TDRD12: variants seen among roughly 807,000 people sequenced by gnomAD.
TDRD12 encodes tudor domain containing 12.
In TDRD12, 158 loss-of-function variants were observed where a neutral mutation model predicts 133.5. That is an observed-to-expected ratio of 1.18 (90% CI 1.04 to 1.35). TDRD12 has a LOEUF of 1.35. Among genes scored for constraint, TDRD12 ranks in the 40% most tolerant of loss-of-function variants. TDRD12 has a pLI of 0.00. For missense variants in TDRD12, 1,443 were observed against 1,321.3 expected, an observed-to-expected ratio of 1.09 and a Z score of -1.43; for synonymous variants, 460 against 477.9, an observed-to-expected ratio of 0.96 and a Z score of 0.49.
intron 2 of TDRD12, among the ~76,000 whole-genome samples, chr19:32,733,872 T>A (rs1036115916): frequency 3.3e-5 from 5 of 151,594 alleles, no homozygotes; most frequent in Non-Finnish European, 5.9e-5. Flanking sequence ...TAAATTTTTT[T>A]AATTTATTTT....
chr19:32,731,489 A>G (rs1184630404), intron 1 of TDRD12, among the ~76,000 whole-genome samples: 1 of 152,124 alleles, frequency 6.6e-6, no homozygotes, highest in African/African-American at 2.4e-5. Flanking sequence ...TTTTCAGAAT[A>G]TGGGAGATTG....
At chr19:32,800,389 G>GTA (rs1568485887) in intron 17 of TDRD12, 31 bp downstream of exon 17, 2 of 1,387,208 alleles carry the variant, frequency 1.4e-6, no homozygotes, top group East Asian at 5.1e-5. Flanking sequence ...ATGTGTATGT[G>GTA]TGTGTGTGTG....
At chr19:32,750,818 C>T (rs541152046) in intron 6 of TDRD12, among the ~76,000 whole-genome samples, 1 of 152,290 alleles carries the variant, frequency 6.6e-6, no homozygotes, top group South Asian at 2.1e-4. Flanking sequence ...GCCTGATGTT[C>T]CTCATCATTG....
chr19:32,721,588 G>A (rs1968667665), intron 1 of TDRD12, among the ~76,000 whole-genome samples: 1 of 151,814 alleles, frequency 6.6e-6, no homozygotes, highest in African/African-American at 2.4e-5. Context: ...GTTTCACCAC[G>A]TGGCTGTTCT....
intron 1 of TDRD12, among the ~76,000 whole-genome samples, 184 bp downstream of exon 1, chr19:32,720,280 T>G (rs1968589802): frequency 1.3e-5 from 1 of 74,440 alleles, no homozygotes; most frequent in South Asian, 6.9e-4. Context: ...CATCCCAGCC[T>G]CCACATCCCT....
chr19:32,758,201 C>T (rs1234332759), intron 8 of TDRD12, among the ~76,000 whole-genome samples: 1 of 152,118 alleles, frequency 6.6e-6, no homozygotes, highest in African/African-American at 2.4e-5. Context: ...TTTTATGGAG[C>T]GATGGAATAG....
intron 13 of TDRD12, among the ~76,000 whole-genome samples, chr19:32,793,623 T>G (rs894167405): frequency 1.3e-5 from 2 of 151,946 alleles, no homozygotes; most frequent in Non-Finnish European, 2.9e-5. Context: ...CATAGAAAAA[T>G]AAGCAAATAA....
intron 1 of TDRD12, among the ~76,000 whole-genome samples, chr19:32,723,907 GAGC>G (rs1167284338): frequency 6.6e-6 from 1 of 152,122 alleles, no homozygotes; most frequent in African/African-American, 2.4e-5. Flanking sequence ...GGCCAGGCTG[GAGC>G]GCAGTGCTGT....
chr19:32,800,502 G>T, intron 17 of TDRD12, 142 bp from the exon 18 acceptor site: 2 of 949,744 alleles, frequency 2.1e-6, no homozygotes, highest in Non-Finnish European at 3.0e-6. Context: ...AATTATGAAT[G>T]AAATACAATT....
chr19:32,762,968 A>G (rs1599553589), intron 8 of TDRD12, among the ~76,000 whole-genome samples: 1 of 152,212 alleles, frequency 6.6e-6, no homozygotes, highest in Non-Finnish European at 1.5e-5. Context: ...TGCTGTAGGC[A>G]GCTGTAACAC....
In TDRD12 at chr19:32,777,302, C is replaced by T. The variant is rs144103955; in HGVS notation, c.1121+73C>T. On this transcript the variant is annotated intron_variant, in intron 11 of 27. Transcript: ENST00000444215. ...TAAAATTATAAACAAGAGAAATCTA[C>T]ACATTTTATTATTAATTTCAAACCT... is the stretch of plus-strand genomic sequence containing the variant. 347 of 965,198 alleles carry T rather than the reference C, an allele frequency of 3.6e-4. 2 individuals are homozygous for T. In the East Asian group the frequency reaches 7.4e-3, roughly 20 times the overall value. The allele number at this position is 965,198 out of a possible 1,614,324, so 59.8% of individuals were successfully genotyped here.
At chr19:32,781,005 C>T (rs578254982) in intron 11 of TDRD12, among the ~76,000 whole-genome samples, 10 of 149,004 alleles carry the variant, frequency 6.7e-5, no homozygotes, top group African/African-American at 2.2e-4. Flanking sequence ...TGCAGTGGCG[C>T]GATCTCAGCT....
intron 2 of TDRD12, among the ~76,000 whole-genome samples, chr19:32,733,363 G>C (rs1040626301): frequency 2.6e-5 from 4 of 151,984 alleles, no homozygotes; most frequent in African/African-American, 9.7e-5. Flanking sequence ...CCAGCTACTA[G>C]AGAGGCTGAG....
At chr19:32,723,400 G>A (rs181161461) in intron 1 of TDRD12, among the ~76,000 whole-genome samples, 17 of 151,928 alleles carry the variant, frequency 1.1e-4, no homozygotes, top group Admixed American at 2.6e-4. Context: ...ACAGGTGCCC[G>A]CCACCATGCC....
chr19:32,721,056 C>G (rs1968643409), intron 1 of TDRD12, among the ~76,000 whole-genome samples: 1 of 152,134 alleles, frequency 6.6e-6, no homozygotes, highest in South Asian at 2.1e-4. Context: ...TCGGGTGGCC[C>G]GGGCAGCCCC....
At chr19:32,813,601 A>C in intron 24 of TDRD12, 83 bp from the exon 25 acceptor site, 1 of 730,470 alleles carries the variant, frequency 1.4e-6, no homozygotes, top group East Asian at 2.7e-5. Flanking sequence ...AATGCATGGA[A>C]TATTTTGCAA....
exon 17 of TDRD12, chr19:32,800,195 A>G: frequency 6.6e-7 from 1 of 1,515,562 alleles, no homozygotes; most frequent in Non-Finnish European, 8.8e-7. Context: ...AACTTTAAAA[A>G]AAATATTGAA....
At chr19:32,768,266 G>C (rs1307535148) in intron 8 of TDRD12, among the ~76,000 whole-genome samples, 2 of 152,092 alleles carry the variant, frequency 1.3e-5, no homozygotes, top group Non-Finnish European at 2.9e-5. Context: ...CCAGCACAGA[G>C]ACTTCAGATT....
Position 32,758,212 on chromosome 19 carries a change from C to T in TDRD12, c.865+1082C>T, listed in dbSNP as rs137876659. Among the ~76,000 whole-genome samples the T allele has an allele frequency of 8.3e-4, 127 of 152,292 alleles. 1 individual carries two copies. The Middle Eastern group carries it at 0.017, about 20-fold the overall frequency. On this transcript the variant is annotated intron_variant, in intron 8 of 27. Coordinates refer to ENST00000444215, the Ensembl canonical transcript of TDRD12. ...AGAATTTTATGGAGCGATGGAATAG[C>T]TCTCAGTGTAACCTCATTCTTCTTG...
Sources: allele counts gnomAD v4.1 joint callset (sites outside exome capture counted in the v4.1 genomes callset), GRCh38; gene constraint gnomAD v4.1.1; transcripts MANE v1.5; gene names NCBI Gene and HGNC (gene_info 2026-07-23, HGNC 2026-07-21).